LRRC56: variants seen among roughly 807,000 people sequenced by gnomAD.
LRRC56 encodes leucine-rich repeat-containing protein 56.
A neutral mutation model predicts 47.8 loss-of-function variants in LRRC56; 41 were observed. That is an observed-to-expected ratio of 0.86 (90% CI 0.67 to 1.11). The LOEUF (loss-of-function observed/expected upper bound fraction) is 1.11, where lower values mean the gene tolerates loss of function less well. Among genes scored for constraint, LRRC56 ranks in the 50% most tolerant of loss-of-function variants. The pLI, the probability that LRRC56 is intolerant of heterozygous loss-of-function variation, is 0.00. For missense variants in LRRC56, 759 were observed against 704.2 expected (o/e 1.08, Z -0.88); for synonymous variants, 387 against 311.2 (o/e 1.24, Z -2.56).
the LRRC56 span, among the ~76,000 whole-genome samples, chr11:512,187 C>T: frequency 1.3e-5 from 2 of 151,840 alleles, no homozygotes; most frequent in Admixed American, 1.3e-4. Context: ...CGTTATCTGC[C>T]TGCCCTGGCC....
chr11:552,233 GTGGGTGTCCCTCCAGCTCTTCCAC>G lies in LRRC56; in HGVS notation c.1181+9_1181+32del, dbSNP rs1426640578. Reference sequence around the variant, plus strand: ...GGGCCTGGAGGGAACATGGCGTGCGGTGGGTGTCCCTCCAGCTCTTCCACTGGGTGTGTCCTGTCCCGTGGGGAA... The same window carrying G: ...GGGCCTGGAGGGAACATGGCGTGCGGTGGGTGTGTCCTGTCCCGTGGGGAA... On this transcript the variant is annotated splice_donor_variant and splice_donor_5th_base_variant and intron_variant, in intron 12 of 13. Coordinates refer to ENST00000270115, the MANE Select transcript of LRRC56 (RefSeq NM_198075.4). LOFTEE classifies it high-confidence loss of function. The G allele has an allele frequency of 6.2e-7, 1 of 1,608,050 alleles. No homozygotes were observed. Among genetic ancestry groups the G allele is most frequent in the Non-Finnish European group, 8.5e-7 (1 of 1,176,562 alleles).
intron 6 of LRRC56, among the ~76,000 whole-genome samples, chr11:545,725 A>T (rs1355679027): frequency 2.6e-5 from 4 of 152,214 alleles, no homozygotes; most frequent in African/African-American, 9.7e-5. Flanking sequence ...AGGCTGAAGG[A>T]ACATCCGACT....
chr11:507,928 T>C, the LRRC56 span, among the ~76,000 whole-genome samples: 3 of 152,236 alleles, frequency 2.0e-5, no homozygotes, highest in Non-Finnish European at 4.4e-5. Flanking sequence ...TCCACTCTGC[T>C]GCCGACACCC....
chr11:524,596 A>T, the LRRC56 span, among the ~76,000 whole-genome samples: 1 of 152,028 alleles, frequency 6.6e-6, no homozygotes, highest in Non-Finnish European at 1.5e-5. Context: ...GCACCATTGC[A>T]CTCCAGCCTG....
chr11:530,827 G>A, the LRRC56 span, among the ~76,000 whole-genome samples: 1 of 40,004 alleles, frequency 2.5e-5, no homozygotes, highest in East Asian at 8.7e-4. Context: ...GGCGTCCCCT[G>A]GACAGAAGGG....
the LRRC56 span, among the ~76,000 whole-genome samples, chr11:515,996 T>G: frequency 6.6e-6 from 1 of 152,216 alleles, no homozygotes; most frequent in Non-Finnish European, 1.5e-5. Context: ...CAAAATCAGT[T>G]GAGCATGTAT....
the LRRC56 span, among the ~76,000 whole-genome samples, chr11:530,493 AGAGAAGGG>A: frequency 4.2e-3 from 542 of 128,514 alleles, 57 homozygotes; most frequent in Middle Eastern, 0.012. Context: ...CGTCCCCTGG[AGAGAAGGG>A]CGAGTGTGGC....
chr11:520,885 G>A, the LRRC56 span, among the ~76,000 whole-genome samples: 2 of 152,252 alleles, frequency 1.3e-5, no homozygotes, highest in South Asian at 2.1e-4. Flanking sequence ...GCACCCACCC[G>A]CCAGCTGCTG....
chr11:551,361 C>A, intron 9 of LRRC56, 59 bp downstream of exon 9: 3 of 1,151,198 alleles, frequency 2.6e-6, no homozygotes, highest in Non-Finnish European at 3.7e-6. Flanking sequence ...CAGGAAGAGG[C>A]CCCCACCCCA....
the LRRC56 span, chr11:506,484 C>T: frequency 6.6e-6 from 1 of 152,266 alleles, no homozygotes; most frequent in Admixed American, 6.5e-5. Flanking sequence ...TTGCTCTCCT[C>T]CCCGCAGCCC....
At chr11:536,311 T>C (rs971082508), upstream of LRRC56, among the ~76,000 whole-genome samples, 1 of 152,132 alleles carries the variant, frequency 6.6e-6, no homozygotes, top group African/African-American at 2.4e-5. Context: ...CTGCAGAAGC[T>C]CAGCGTGGTC....
chr11:510,258 AG>A, the LRRC56 span, among the ~76,000 whole-genome samples: 1 of 152,180 alleles, frequency 6.6e-6, no homozygotes, highest in African/African-American at 2.4e-5. Flanking sequence ...CCGGGGAGAG[AG>A]GCACCAGGGT....
chr11:519,320 G>A, the LRRC56 span, among the ~76,000 whole-genome samples: 1 of 118,518 alleles, frequency 8.4e-6, no homozygotes, highest in Non-Finnish European at 1.8e-5. Flanking sequence ...CTGATACACA[G>A]GTGAGCTTTA....
the LRRC56 span, among the ~76,000 whole-genome samples, chr11:518,913 G>C: frequency 6.0e-5 from 9 of 151,146 alleles, no homozygotes; most frequent in Non-Finnish European, 1.0e-4. Context: ...GGGGGGGCGT[G>C]TCTCCCGGTC....
intron 5 of LRRC56, among the ~76,000 whole-genome samples, chr11:542,580 C>CAAAAAAAAAAAAAAAAAAAAAAAAAAAAA (rs71022928): frequency 3.8e-5 from 1 of 26,000 alleles, no homozygotes; most frequent in African/African-American, 2.1e-4. Flanking sequence ...AACCCTGTCG[C>CAAAAAAAAAAAAAAAAAAAAAAAAAAAAA]AAAAAAAAAA....
the LRRC56 span, among the ~76,000 whole-genome samples, chr11:518,908 G>GGGC: frequency 6.6e-6 from 1 of 151,914 alleles, no homozygotes; most frequent in Admixed American, 6.6e-5. Flanking sequence ...GGGGCGGGGG[G>GGGC]GCGTGTCTCC....
Position 552,618 on chromosome 11 carries a change from C to G in LRRC56, c.1231C>G (p.Pro411Ala). 1 of 1,610,352 alleles carries G rather than the reference C, an allele frequency of 6.2e-7. No homozygotes were observed. The highest frequency in any genetic ancestry group is 8.5e-7 in the Non-Finnish European group (1 of 1,178,580). Residue 411 changes from proline to alanine, a missense_variant, in exon 13 of 14, where the codon CCC becomes GCC. By Grantham distance (27) the Pro-to-Ala change is conservative (BLOSUM62 -1). Coordinates refer to ENST00000270115, the MANE Select transcript of LRRC56 (RefSeq NM_198075.4). ...GTCCCAACAGGAAGGGGCTGTAGCC[C>G]CCTGGGGCCCACGGAGGGTCCCTGA... ...PESQQEGAVAPWGPRRVPEEQ... is the reference protein window; with the variant it reads ...PESQQEGAVAAWGPRRVPEEQ...
upstream of LRRC56, chr11:533,659 C>T (rs761554824): frequency 3.1e-6 from 5 of 1,612,600 alleles, no homozygotes; most frequent in South Asian, 3.3e-5. Flanking sequence ...GCAGGCGCAG[C>T]GGCATCCAGG....
the LRRC56 span, among the ~76,000 whole-genome samples, chr11:523,360 TG>T: frequency 1.4e-5 from 2 of 143,338 alleles, no homozygotes; most frequent in African/African-American, 5.1e-5. Flanking sequence ...GGGCCGGGCG[TG>T]GTGGCTCATG....
Sources: gnomAD v4.1 joint callset for allele counts (sites outside exome capture counted in the v4.1 genomes callset) on GRCh38, gnomAD v4.1.1 for gene constraint, MANE v1.5 for transcripts, NCBI Gene and HGNC (gene_info 2026-07-23, HGNC 2026-07-21) for gene names.